IL17RD: variants seen among roughly 807,000 people sequenced by gnomAD.
IL17RD encodes interleukin 17 receptor D.
In IL17RD, 52 loss-of-function variants were observed where a neutral mutation model predicts 80.5. The observed-to-expected ratio is 0.65, with a 90% confidence interval of 0.52 to 0.81. The LOEUF is 0.81. Ranked by LOEUF, IL17RD falls within the 40% of genes least tolerant of loss-of-function variation. The pLI is 0.00. For missense variants in IL17RD, 1,024 were observed against 955.1 expected, an observed-to-expected ratio of 1.07 and a Z score of -0.95; for synonymous variants, 416 against 391.8, an observed-to-expected ratio of 1.06 and a Z score of -0.73.
At chr3:57,113,691 A>G (rs1429524406) in intron 3 of IL17RD, among the ~76,000 whole-genome samples, 2 of 152,042 alleles carry the variant, frequency 1.3e-5, no homozygotes, top group African/African-American at 4.8e-5. Flanking sequence ...GACTTGTGCC[A>G]CCATGCCCGG....
intron 1 of IL17RD, among the ~76,000 whole-genome samples, chr3:57,134,882 G>A (rs1707691882): frequency 6.6e-6 from 1 of 152,166 alleles, no homozygotes; most frequent in Admixed American, 6.5e-5. Context: ...GAGGCAGGGG[G>A]ATTATTGAGC....
chr3:57,164,569 G>T (rs1423530033), intron 1 of IL17RD, among the ~76,000 whole-genome samples: 1 of 152,224 alleles, frequency 6.6e-6, no homozygotes, highest in African/African-American at 2.4e-5. Flanking sequence ...GGGCTGAACC[G>T]GGAGGCGAAG....
rs1409080175 is a variant in IL17RD at position 57,093,790 on chromosome 3, CTT to C, written c.*2601_*2602del. On this transcript the variant is annotated 3_prime_UTR_variant, in exon 13 of 13. Coordinates refer to ENST00000296318, the MANE Select transcript of IL17RD (RefSeq NM_017563.5). ...CTGAGAAGGCACACCTTTACCTGAG[CTT>C]TAACCTCCTTGATCACTCTCCTGGC... The C allele has an allele frequency of 6.6e-6, 1 of 152,220 alleles. No individual in the cohort carries two copies. The highest frequency in any genetic ancestry group is 1.5e-5 in the Non-Finnish European group (1 of 68,068). 9.4% of individuals were successfully genotyped at this position (152,220 alleles called of 1,614,324 possible). A position where few individuals can be genotyped will look rare whatever the true frequency, so the allele number is the denominator to read the frequency against.
chr3:57,116,166 T>G (rs1217512078), intron 2 of IL17RD, among the ~76,000 whole-genome samples: 2 of 152,014 alleles, frequency 1.3e-5, no homozygotes, highest in Non-Finnish European at 2.9e-5. Context: ...TAAAACTCCA[T>G]CCTTCATGCT....
intron 1 of IL17RD, among the ~76,000 whole-genome samples, chr3:57,162,293 C>A (rs988617879): frequency 2.7e-5 from 4 of 150,566 alleles, no homozygotes; most frequent in African/African-American, 1.0e-4. Flanking sequence ...CACCTTGCTG[C>A]CCCCTCTCAG....
In IL17RD at chr3:57,155,476, C is replaced by T. The variant is rs143263652; in HGVS notation, c.126+9685G>A. Among the ~76,000 whole-genome samples, 409 of 152,346 alleles carry T rather than the reference C, an allele frequency of 2.7e-3. 1 individual carries two copies. Among genetic ancestry groups the T allele is most frequent in the African/African-American group, 9.3e-3 (387 of 41,578 alleles). ...AGCCCAGCCTCTAACCAGTATGTGG[C>T]CCCTGGCAGGAGTGCCAATAACTGT... On this transcript the variant is annotated intron_variant, in intron 1 of 12. Coordinates refer to ENST00000296318, the MANE Select transcript of IL17RD (RefSeq NM_017563.5).
chr3:57,097,561 C>A, intron 12 of IL17RD, 35 bp downstream of exon 12: 1 of 1,470,202 alleles, frequency 6.8e-7, no homozygotes, highest in Non-Finnish European at 9.3e-7. Context: ...TCAAAGGCTG[C>A]GGCCTGTTAG....
intron 1 of IL17RD, among the ~76,000 whole-genome samples, chr3:57,151,575 G>C (rs1257107864): frequency 1.3e-5 from 2 of 152,134 alleles, no homozygotes; most frequent in African/African-American, 4.8e-5. Context: ...GAGGCTAAGA[G>C]GGCTGAGAAA....
chr3:57,118,389 A>C (rs1453662889), intron 2 of IL17RD, among the ~76,000 whole-genome samples: 1 of 152,194 alleles, frequency 6.6e-6, no homozygotes, highest in Non-Finnish European at 1.5e-5. Flanking sequence ...TTGTAACCGC[A>C]ACTTTTACAA....
chr3:57,102,077 A>G (rs946214933), intron 10 of IL17RD, among the ~76,000 whole-genome samples: 6 of 152,184 alleles, frequency 3.9e-5, no homozygotes, highest in African/African-American at 1.4e-4. Context: ...CCTAGGCAAC[A>G]TAGTGAGACC....
chr3:57,169,376 C>T, upstream of IL17RD: 2 of 371,592 alleles, frequency 5.4e-6, no homozygotes, highest in South Asian at 3.9e-5. Context: ...GTCACCACCT[C>T]CCCCTCTTTG....
intron 5 of IL17RD, among the ~76,000 whole-genome samples, chr3:57,108,071 T>C (rs929412628): frequency 5.3e-5 from 8 of 151,910 alleles, no homozygotes; most frequent in African/African-American, 1.5e-4. Flanking sequence ...TTTTTTTTTT[T>C]CTTTTTGAGA....
At chr3:57,103,288 T>A (rs1706879851) in intron 8 of IL17RD, 143 bp from the exon 9 acceptor site, 1 of 674,302 alleles carries the variant, frequency 1.5e-6, no homozygotes, top group African/African-American at 1.8e-5. Flanking sequence ...AATGGCTGAG[T>A]TTTGGAAAAG....
At chr3:57,163,791 G>GC (rs1559489751) in intron 1 of IL17RD, among the ~76,000 whole-genome samples, 5 of 98,376 alleles carry the variant, frequency 5.1e-5, no homozygotes, top group Non-Finnish European at 1.9e-5. Context: ...GGGGCGGGGG[G>GC]GCGGGGGGGG....
rs137861141 is a variant in IL17RD at position 57,097,799 on chromosome 3, G to A, written c.1904C>T (p.Pro635Leu). The A allele has an allele frequency of 5.5e-5, 88 of 1,605,996 alleles. No homozygotes were observed. Among genetic ancestry groups the A allele is most frequent in the Non-Finnish European group, 7.3e-5 (86 of 1,176,298 alleles). ...CAGGGCGGCGCTACCGTCAAGGGCA[G>A]GCCGGGCCTCCCCGTCTTGGTCCAG... ...GGLDQDGEAR[P>L]ALDGSAALQP... Residue 635 changes from proline to leucine, a missense_variant, in exon 12 of 13, where the codon CCT becomes CTT. Pro to Leu is a moderately conservative substitution (Grantham distance 98). Transcript: ENST00000296318.
chr3:57,167,914 T>C (rs985037960), upstream of IL17RD, among the ~76,000 whole-genome samples: 3 of 152,160 alleles, frequency 2.0e-5, no homozygotes, highest in African/African-American at 7.2e-5. Flanking sequence ...CACTGCAACC[T>C]CCGCTTCCCA....
chr3:57,162,608 C>T (rs75952759), intron 1 of IL17RD, among the ~76,000 whole-genome samples: 2,404 of 152,164 alleles, frequency 0.016, 67 homozygotes, highest in African/African-American at 0.053. Flanking sequence ...AAGGAAGCTG[C>T]AGAGGTGTAA....
At chr3:57,143,080 A>T (rs1707861111) in intron 1 of IL17RD, among the ~76,000 whole-genome samples, 1 of 152,226 alleles carries the variant, frequency 6.6e-6, no homozygotes, top group Non-Finnish European at 1.5e-5. Flanking sequence ...TCCTAATAAT[A>T]GTTTACATTA....
At chr3:57,127,359 A>ATT in intron 1 of IL17RD, among the ~76,000 whole-genome samples, 1 of 74,014 alleles carries the variant, frequency 1.4e-5, no homozygotes, top group South Asian at 4.4e-4. Flanking sequence ...AATATATATA[A>ATT]ATATAAATAT....
Sources: allele counts gnomAD v4.1 joint callset (sites outside exome capture counted in the v4.1 genomes callset), GRCh38; gene constraint gnomAD v4.1.1; transcripts MANE v1.5; gene names NCBI Gene and HGNC (gene_info 2026-07-23, HGNC 2026-07-21).